The following MAN2A1 variants were observed in gnomAD, a reference collection of about 807,000 sequenced individuals.
MAN2A1 encodes the protein alpha-mannosidase 2.
Under a neutral mutation model 142.6 loss-of-function variants are expected in MAN2A1, and 76 were observed. That is an observed-to-expected ratio of 0.53 (90% confidence interval 0.44 to 0.65). MAN2A1 has a LOEUF of 0.65. Among genes scored for constraint, MAN2A1 ranks in the 30% least tolerant of loss-of-function variants. The probability of loss-of-function intolerance (pLI) is 0.00; values close to 1 mark genes in which losing one functional copy is unlikely to be tolerated. For synonymous variants in MAN2A1, 559 were observed against 473.2 expected (o/e 1.18, Z -2.35); for missense variants, 1,311 against 1,365.1 (o/e 0.96, Z 0.62).
chr5:109,858,350 G>T (rs1055377170), intron 20 of MAN2A1, among the ~76,000 whole-genome samples: 5 of 152,122 alleles, frequency 3.3e-5, no homozygotes, highest in African/African-American at 1.2e-4. Context: ...CCTGATAATA[G>T]AAGGATAATC....
intron 4 of MAN2A1, among the ~76,000 whole-genome samples, chr5:109,736,420 G>C (rs1752099350): frequency 1.3e-5 from 2 of 152,128 alleles, no homozygotes; most frequent in East Asian, 1.9e-4. Context: ...GGGAGGCTGA[G>C]GTAGGAGGAT....
rs570355155 is a variant in MAN2A1 at position 109,781,582 on chromosome 5, A to G, written c.1561A>G (p.Met521Val). The change falls in exon 9 of 22, where the codon ATG becomes GTG. Residue 521 changes from methionine (M) to valine (V), a missense_variant. Coordinates refer to ENST00000261483, the MANE Select transcript of MAN2A1 (RefSeq NM_002372.4). ...CTTTTACAAACGAATGGACAGAATC[A>G]TGGAATCTCATTTAAGGTACTTTTA... ...RPFYKRMDRI[M>V]ESHLRAAEIL... is the part of the protein sequence containing the mutation. 10 of 1,598,782 alleles carry G rather than the reference A, an allele frequency of 6.3e-6. No individual in the cohort carries two copies. Among genetic ancestry groups the G allele is most frequent in the Middle Eastern group, 3.3e-4 (2 of 5,982 alleles).
chr5:109,724,572 T>A (rs1040576751), intron 3 of MAN2A1, among the ~76,000 whole-genome samples: 1 of 152,210 alleles, frequency 6.6e-6, no homozygotes, highest in African/African-American at 2.4e-5. Flanking sequence ...CAATGTATTA[T>A]TTATCTGGAT....
In MAN2A1 at chr5:109,820,303, A is replaced by T; in HGVS notation, c.2412A>T (p.Lys804Asn). 1 of 1,613,416 alleles carries T rather than the reference A, an allele frequency of 6.2e-7. No homozygotes were observed. Among genetic ancestry groups the T allele is most frequent in the Non-Finnish European group, 8.5e-7 (1 of 1,179,488 alleles). ...ATGGAACCACAATTAAAAGAGACAAAAGTGGTGCCTACCTCTTCTTACCTG... is the reference window on the plus strand; with the variant it reads ...ATGGAACCACAATTAAAAGAGACAATAGTGGTGCCTACCTCTTCTTACCTG... ...SWYGTTIKRD[K>N]SGAYLFLPDG... The change falls in exon 15 of 22, where the codon AAA (lysine) becomes AAT (asparagine). Residue 804 changes from lysine to asparagine, a missense_variant. This residue lies in a region of MAN2A1 where 890 missense variants were observed against 920.5 expected (regional missense o/e 0.97). Coordinates refer to ENST00000261483, the MANE Select transcript of MAN2A1 (RefSeq NM_002372.4).
chr5:109,715,906 T>C (rs2112565311), intron 2 of MAN2A1, among the ~76,000 whole-genome samples: 1 of 152,248 alleles, frequency 6.6e-6, no homozygotes, highest in South Asian at 2.1e-4. Context: ...TGGGAGGGAT[T>C]ATTTGTCAGG....
chr5:109,830,144 T>G (rs773405233), intron 16 of MAN2A1, among the ~76,000 whole-genome samples: 41 of 152,206 alleles, frequency 2.7e-4, no homozygotes, highest in Non-Finnish European at 5.3e-4. Context: ...TAAGTAAGTA[T>G]GAGTTTATTT....
intron 1 of MAN2A1, among the ~76,000 whole-genome samples, chr5:109,712,401 T>C (rs1003037565): frequency 6.6e-6 from 1 of 152,242 alleles, no homozygotes; most frequent in African/African-American, 2.4e-5. Context: ...CTTACATTTC[T>C]ATTTTAAAAC....
At chr5:109,848,543 T>C (rs1342653181) in intron 19 of MAN2A1, among the ~76,000 whole-genome samples, 1 of 152,184 alleles carries the variant, frequency 6.6e-6, no homozygotes, top group East Asian at 1.9e-4. Context: ...TCTGTTCCAG[T>C]TATCTAACAT....
chr5:109,787,299 C>CG (rs1753619260), intron 10 of MAN2A1, among the ~76,000 whole-genome samples: 1 of 151,844 alleles, frequency 6.6e-6, no homozygotes, highest in Non-Finnish European at 1.5e-5. Flanking sequence ...TATATAGTGG[C>CG]AGACATGCTA....
chr5:109,702,315 T>TTGTGTGTGTG (rs34048618), intron 1 of MAN2A1, among the ~76,000 whole-genome samples: 4,520 of 144,070 alleles, frequency 0.031, 91 homozygotes, highest in Middle Eastern at 0.052. Flanking sequence ...AGAACATAAA[T>TTGTGTGTGTG]TGTGTGTGTG....
chr5:109,692,444 G>C (rs531165438), intron 1 of MAN2A1, among the ~76,000 whole-genome samples: 2 of 152,156 alleles, frequency 1.3e-5, no homozygotes, highest in South Asian at 4.1e-4. Context: ...TCCTCAAGCA[G>C]ATAGACATTC....
chr5:109,796,065 G>C (rs565818269), intron 12 of MAN2A1, among the ~76,000 whole-genome samples: 1 of 152,026 alleles, frequency 6.6e-6, no homozygotes, highest in African/African-American at 2.4e-5. Context: ...ATTTTATTAC[G>C]CTGTTGAATT....
chr5:109,747,646 T>C (rs899921227), intron 4 of MAN2A1, among the ~76,000 whole-genome samples: 4 of 152,212 alleles, frequency 2.6e-5, no homozygotes, highest in African/African-American at 9.6e-5. Flanking sequence ...AACATTTAGC[T>C]GTATGATTTT....
intron 8 of MAN2A1, among the ~76,000 whole-genome samples, chr5:109,779,168 AC>A (rs1313853552): frequency 6.6e-6 from 1 of 152,122 alleles, no homozygotes; most frequent in African/African-American, 2.4e-5. Context: ...TTATTTTTCT[AC>A]CCTTAAAGAT....
chr5:109,833,582 A>T (rs1460341069), intron 16 of MAN2A1, among the ~76,000 whole-genome samples: 1 of 151,640 alleles, frequency 6.6e-6, no homozygotes, highest in Admixed American at 6.6e-5. Context: ...AAGCAGGAGA[A>T]TCAGGCATGG....
intron 17 of MAN2A1, among the ~76,000 whole-genome samples, chr5:109,843,834 A>T (rs1755279212): frequency 2.0e-5 from 3 of 152,192 alleles, no homozygotes; most frequent in Non-Finnish European, 4.4e-5. Context: ...TTGAAATACC[A>T]TTAAAACCAT....
At chr5:109,819,127 A>G (rs566297191) in intron 13 of MAN2A1, among the ~76,000 whole-genome samples, 1 of 152,344 alleles carries the variant, frequency 6.6e-6, no homozygotes, top group East Asian at 1.9e-4. Flanking sequence ...TATAGTATAT[A>G]ATAAATTACA....
At chr5:109,720,553 G>A (rs1240843407) in intron 3 of MAN2A1, among the ~76,000 whole-genome samples, 1 of 152,020 alleles carries the variant, frequency 6.6e-6, no homozygotes, top group Non-Finnish European at 1.5e-5. Flanking sequence ...AATAGTTCTG[G>A]TCAGTCATAG....
At chr5:109,750,722 A>G (rs1752522604) in intron 4 of MAN2A1, among the ~76,000 whole-genome samples, 4 of 152,140 alleles carry the variant, frequency 2.6e-5, no homozygotes, top group Admixed American at 1.3e-4. Context: ...CTTGGCTTCC[A>G]TGACATAATA....
Sources: gnomAD v4.1 joint callset for allele counts (sites outside exome capture counted in the v4.1 genomes callset) on GRCh38, gnomAD v4.1.1 for gene constraint, gnomAD v4.1.1 regional missense constraint, MANE v1.5 for transcripts, NCBI Gene and HGNC (gene_info 2026-07-23, HGNC 2026-07-21) for gene names.